MAG: variants seen among roughly 807,000 people sequenced by gnomAD.
MAG encodes myelin associated glycoprotein, also known as myelin-associated glycoprotein.
In MAG, 30 loss-of-function variants were observed where a neutral mutation model predicts 60.7. That is an observed-to-expected ratio of 0.49 (90% CI 0.37 to 0.67). MAG has a LOEUF of 0.67. MAG is among the 30% of genes least tolerant of loss of function. The pLI is 0.00. For synonymous variants in MAG, 384 were observed against 376.8 expected (o/e 1.02, Z -0.22); for missense variants, 795 against 851.7 (o/e 0.93, Z 0.83).
intron 5 of MAG, 136 bp downstream of exon 5, chr19:35,299,986 TG>T (rs1268403254): frequency 1.4e-4 from 16 of 111,790 alleles, no homozygotes; most frequent in South Asian, 2.1e-4. Flanking sequence ...AGGCAGGGAT[TG>T]GGGGGTTGGG....
intron 6 of MAG, among the ~76,000 whole-genome samples, chr19:35,301,885 G>A (rs2145614595): frequency 6.9e-6 from 1 of 144,014 alleles, no homozygotes; most frequent in East Asian, 2.0e-4. Context: ...CTTTTGACAT[G>A]CAATCTTCCC....
At chr19:35,310,493 T>G in intron 8 of MAG, 54 bp from the exon 9 acceptor site, 1 of 1,466,274 alleles carries the variant, frequency 6.8e-7, no homozygotes, top group Admixed American at 1.7e-5. Context: ...AGTTCTCAGG[T>G]GTCGTCACCA....
Position 35,300,156 on chromosome 19 carries a change from T to G in MAG, c.722T>G (p.Val241Gly), listed in dbSNP as rs1805890414. Residue 241 changes from valine to glycine, a missense_variant, in exon 6 of 11, where the codon GTG (valine) becomes GGG (glycine). Transcript: ENST00000392213. ...YASMDVKYPP[V>G]IVEMNSSVEA... Reference sequence around the variant, plus strand: ...GTGTCGCGGGCCTTAGACCCCCCGGTGATTGTGGAGATGAACTCCTCGGTG... The same window carrying G: ...GTGTCGCGGGCCTTAGACCCCCCGGGGATTGTGGAGATGAACTCCTCGGTG... 1.3e-6 allele frequency: 2 copies of G among 1,534,342 alleles called. No individual in the cohort carries two copies. Among genetic ancestry groups the G allele is most frequent in the East Asian group, 4.6e-5 (2 of 43,652 alleles).
Position 35,295,061 on chromosome 19 carries a change from G to A in MAG, c.-23-325G>A, listed in dbSNP as rs1272430930. Reference sequence around the variant, plus strand: ...GGCCAGGAGTTGAAGACCAGCCTGGGCAACATAGTAAGACCCCACCTCCAC... The same window carrying A: ...GGCCAGGAGTTGAAGACCAGCCTGGACAACATAGTAAGACCCCACCTCCAC... On this transcript the variant is annotated intron_variant, in intron 2 of 10. Transcript: ENST00000392213. The surrounding 1 kb of genome is among the most constrained non-coding windows in gnomAD (Gnocchi z 5.8). Among the ~76,000 whole-genome samples, 2 of 152,148 alleles carry A rather than the reference G, an allele frequency of 1.3e-5. No individual in the cohort carries two copies. Among genetic ancestry groups the A allele is most frequent in the African/African-American group, 4.8e-5 (2 of 41,410 alleles).
intron 4 of MAG, among the ~76,000 whole-genome samples, chr19:35,296,502 C>A (rs922277394): frequency 9.2e-5 from 14 of 152,180 alleles, no homozygotes; most frequent in Admixed American, 1.3e-4. Context: ...ATTTTGGATT[C>A]TTTGGTGTAA....
At chr19:35,300,629 G>A (rs2066442269) in intron 6 of MAG, among the ~76,000 whole-genome samples, 1 of 152,200 alleles carries the variant, frequency 6.6e-6, no homozygotes, top group South Asian at 2.1e-4. Context: ...ACAAGACCCA[G>A]GCCTGCCTCC....
At position 35,313,696 on chromosome 19, in the gene MAG, G is replaced by T. The variant is rs199900585; in HGVS notation, c.*242G>T. On this transcript the variant is annotated 3_prime_UTR_variant, in exon 11 of 11. Coordinates refer to ENST00000392213, the MANE Select transcript of MAG (RefSeq NM_002361.4). The stretch of plus-strand genomic sequence containing the variant: ...CCTTTACCCTCATCTGTCTGGAGGG[G>T]AGCTCTGTCTGTCCGTGTTATTTAT... 16 of 421,976 alleles carry T rather than the reference G, an allele frequency of 3.8e-5. No individual in the cohort carries two copies. Among genetic ancestry groups the T allele is most frequent in the Non-Finnish European group, 1.3e-5 (3 of 236,532 alleles). The allele number at this position is 421,976 out of a possible 1,614,324, so 26.1% of individuals were successfully genotyped here.
At chr19:35,296,841 A>G (rs918826440) in intron 4 of MAG, among the ~76,000 whole-genome samples, 3 of 151,578 alleles carry the variant, frequency 2.0e-5, no homozygotes, top group Non-Finnish European at 2.9e-5. Flanking sequence ...TACATCACAC[A>G]CTACACAAAC....
Position 35,299,779 on chromosome 19 carries a change from G to A in MAG, c.641G>A (p.Arg214Lys). ...FVPTREANGHRLGCQASFPNT... is the reference protein window; with the variant it reads ...FVPTREANGHKLGCQASFPNT... ...CCCACGAGGGAGGCCAACGGCCACAGGCTGGGCTGCCAGGCCTCCTTCCCC... is the reference window on the plus strand; with the variant it reads ...CCCACGAGGGAGGCCAACGGCCACAAGCTGGGCTGCCAGGCCTCCTTCCCC... The change falls in exon 5 of 11, where the codon AGG (arginine) becomes AAG (lysine). Residue 214 changes from arginine (R) to lysine (K), a missense_variant. Coordinates refer to ENST00000392213, the MANE Select transcript of MAG (RefSeq NM_002361.4). 6.5e-7 allele frequency: 1 copy of A among 1,547,294 alleles called. No homozygotes were observed. The highest frequency in any genetic ancestry group is 1.2e-5 in the South Asian group (1 of 84,628).
intron 7 of MAG, among the ~76,000 whole-genome samples, chr19:35,303,561 A>G (rs2066463918): frequency 6.6e-6 from 1 of 152,130 alleles, no homozygotes. Flanking sequence ...ACCTCATCCT[A>G]TGTTATGACA....
At chr19:35,308,549 T>C (rs2872113) in intron 7 of MAG, among the ~76,000 whole-genome samples, 9,398 of 151,998 alleles carry the variant, frequency 0.062, 687 homozygotes, top group African/African-American at 0.18. Context: ...ATGGGGAACA[T>C]AGCAAGACCC....
rs1472395711 is a variant in MAG, at chr19:35,300,330, A to G, written c.896A>G (p.Glu299Gly). 1 of 1,599,146 alleles carries G rather than the reference A, an allele frequency of 6.3e-7. No individual in the cohort carries two copies. Among genetic ancestry groups the G allele is most frequent in the Admixed American group, 1.7e-5 (1 of 59,970 alleles). ...GAGCTGGAGGAGGTGACCCCCGCCG[A>G]AGACGGCGTCTATGCCTGCCTGGCC... ...LLELEEVTPAEDGVYACLAEN... is the reference protein window; with the variant it reads ...LLELEEVTPAGDGVYACLAEN... The change falls in exon 6 of 11, where the codon GAA (glutamate) becomes GGA (glycine). Residue 299 changes from glutamate (E) to glycine (G), a missense_variant. Glu to Gly is a moderately conservative substitution (Grantham distance 98). Coordinates refer to ENST00000392213, the MANE Select transcript of MAG (RefSeq NM_002361.4).
chr19:35,294,005 G>A (rs895885161), intron 1 of MAG, among the ~76,000 whole-genome samples: 1 of 151,832 alleles, frequency 6.6e-6, no homozygotes, highest in Non-Finnish European at 1.5e-5. Context: ...CCCGTACCCC[G>A]ATGCGGTCGT....
At position 35,310,475 on chromosome 19, in the gene MAG, G is replaced by A. The variant is rs2145625638; in HGVS notation, c.1520-72G>A. 1.2e-5 allele frequency: 15 copies of A among 1,303,356 alleles called. No homozygotes were observed. In the South Asian group the frequency reaches 1.8e-4, roughly 15 times the overall value. 80.7% of individuals were successfully genotyped at this position (1,303,356 alleles called of 1,614,324 possible). ...ACTACATTGACTGTCATCCCAGCAT[G>A]TCTCCAAAGTTCTCAGGTGTCGTCA... On this transcript the variant is annotated intron_variant, in intron 8 of 10. Coordinates refer to ENST00000392213, the MANE Select transcript of MAG (RefSeq NM_002361.4).
chr19:35,309,120 C>T (rs1157357018), intron 7 of MAG, among the ~76,000 whole-genome samples: 1 of 152,128 alleles, frequency 6.6e-6, no homozygotes. Context: ...CCAGGAGAAA[C>T]GGCCCGTCCC....
rs201895348 is a variant in MAG, at chr19:35,313,711, G to A, written c.*257G>A. 1.1e-4 allele frequency: 41 copies of A among 373,312 alleles called. No individual in the cohort carries two copies. Among genetic ancestry groups the A allele is most frequent in the South Asian group, 6.1e-4 (10 of 16,286 alleles). The allele number at this position is 373,312 out of a possible 1,614,324, so 23.1% of individuals were successfully genotyped here. On this transcript the variant is annotated 3_prime_UTR_variant, in exon 11 of 11. Coordinates refer to ENST00000392213, the MANE Select transcript of MAG (RefSeq NM_002361.4). ...GTCTGGAGGGGAGCTCTGTCTGTCC[G>A]TGTTATTTATTGCTACTTCCTGCCT...
At chr19:35,305,518 A>T (rs564382795) in intron 7 of MAG, among the ~76,000 whole-genome samples, 45 of 152,336 alleles carry the variant, frequency 3.0e-4, no homozygotes, top group African/African-American at 1.1e-3. Context: ...ACTGGCATCC[A>T]GTCCCAACAG....
Position 35,293,790 on chromosome 19 carries a change from C to T in MAG, c.-79-445C>T, listed in dbSNP as rs543817698. The stretch of plus-strand genomic sequence containing the variant: ...CCGAGGGAACAGGACTCTTTTGTAC[C>T]GGGGACCAGCTTCTGGTGAGGGTGC... On this transcript the variant is annotated intron_variant, in intron 1 of 10. Coordinates refer to ENST00000392213, the MANE Select transcript of MAG (RefSeq NM_002361.4). This position sits in a 1 kb window ranked among gnomAD's most constrained non-coding sequence, Gnocchi z 4.0. Among the ~76,000 whole-genome samples, 2 of 152,172 alleles carry T rather than the reference C, an allele frequency of 1.3e-5. No individual in the cohort carries two copies. Among genetic ancestry groups the T allele is most frequent in the South Asian group, 2.1e-4 (1 of 4,816 alleles).
chr19:35,311,245 G>A (rs979916198), intron 9 of MAG, among the ~76,000 whole-genome samples: 3 of 151,822 alleles, frequency 2.0e-5, no homozygotes, highest in Non-Finnish European at 4.4e-5. Flanking sequence ...GAGGTGGAAC[G>A]ATTCTTGAGC....
Sources: gnomAD v4.1 joint callset for allele counts (sites outside exome capture counted in the v4.1 genomes callset) on GRCh38, gnomAD v4.1.1 for gene constraint, Gnocchi (gnomAD v3.1) non-coding constraint, MANE v1.5 for transcripts, NCBI Gene and HGNC (gene_info 2026-07-23, HGNC 2026-07-21) for gene names.